The following STN1 variants were observed in gnomAD, a reference collection of about 807,000 sequenced individuals.
STN1 encodes the protein STN1 subunit of CST complex.
STN1 carries 29 observed loss-of-function variants against 45.5 expected under a neutral mutation model. The ratio of observed to expected loss-of-function variants is 0.64; its 90% confidence interval spans 0.47 to 0.87. The LOEUF (loss-of-function observed/expected upper bound fraction) is 0.87, where lower values mean the gene tolerates loss of function less well. Ranked by LOEUF, STN1 falls within the 40% of genes least tolerant of loss-of-function variation. The pLI, the probability that STN1 is intolerant of heterozygous loss-of-function variation, is 0.00. For missense variants in STN1, 376 were observed against 441.4 expected (o/e 0.85, Z 1.33); for synonymous variants, 148 against 159.0 (o/e 0.93, Z 0.52).
At chr10:103,885,678 C>T (rs763108478) in intron 9 of STN1, among the ~76,000 whole-genome samples, 13 of 152,302 alleles carry the variant, frequency 8.5e-5, no homozygotes, top group Middle Eastern at 3.4e-3. Context: ...GAGTGAGCCA[C>T]TGTGCCTGGC....
At chr10:103,911,038 C>G (rs1200867611) in intron 2 of STN1, among the ~76,000 whole-genome samples, 1 of 147,186 alleles carries the variant, frequency 6.8e-6, no homozygotes, top group East Asian at 2.0e-4. Flanking sequence ...CAAACAAGTG[C>G]TTTTCTAAGA....
chr10:103,906,718 A>C (rs181662355), intron 3 of STN1, among the ~76,000 whole-genome samples: 102 of 152,266 alleles, frequency 6.7e-4, no homozygotes, highest in African/African-American at 2.3e-3. Flanking sequence ...GATCAACATC[A>C]CAAGAGAAAA....
At chr10:103,883,942 T>C (rs1274637215) in intron 9 of STN1, among the ~76,000 whole-genome samples, 2 of 151,688 alleles carry the variant, frequency 1.3e-5, no homozygotes, top group African/African-American at 4.8e-5. Flanking sequence ...ATACAAAAAT[T>C]AGCCAGGTGT....
At chr10:103,903,351 C>T (rs907475683) in intron 4 of STN1, among the ~76,000 whole-genome samples, 1 of 152,086 alleles carries the variant, frequency 6.6e-6, no homozygotes, top group South Asian at 2.1e-4. Flanking sequence ...TGACAACAAC[C>T]AAAAATCTGC....
At chr10:103,915,103 G>T (rs1843322029) in intron 2 of STN1, among the ~76,000 whole-genome samples, 2 of 152,224 alleles carry the variant, frequency 1.3e-5, no homozygotes, top group South Asian at 2.1e-4. Context: ...CTAAGGCAGG[G>T]TCTGGGAGGG....
At chr10:103,888,937 G>A in intron 9 of STN1, 135 bp downstream of exon 9, 1 of 644,628 alleles carries the variant, frequency 1.6e-6, no homozygotes, top group East Asian at 2.7e-5. Context: ...AGGGAGGGCA[G>A]GTACTTTGAC....
intron 9 of STN1, among the ~76,000 whole-genome samples, chr10:103,884,089 C>CAAA (rs35521096): frequency 2.4e-4 from 12 of 49,796 alleles, no homozygotes; most frequent in Admixed American, 3.0e-4. Flanking sequence ...GACTCCATCT[C>CAAA]AAAAAAAAAA....
At chr10:103,914,583 G>A (rs1163876541) in intron 2 of STN1, among the ~76,000 whole-genome samples, 1 of 150,798 alleles carries the variant, frequency 6.6e-6, no homozygotes, top group Non-Finnish European at 1.5e-5. Context: ...TGAACTCTGG[G>A]CTCAAGTGAT....
At chr10:103,896,388 T>C (rs1432520138) in intron 7 of STN1, among the ~76,000 whole-genome samples, 2 of 152,072 alleles carry the variant, frequency 1.3e-5, no homozygotes, top group Non-Finnish European at 2.9e-5. Flanking sequence ...TCAGAGCAGC[T>C]AGACGGCCAG....
intron 1 of STN1, 149 bp from the exon 2 acceptor site, chr10:103,917,805 T>TG: frequency 1.9e-6 from 1 of 531,340 alleles, no homozygotes. Context: ...CCACGGGGCG[T>TG]GTTAAGAGGC....
chr10:103,914,343 T>C lies in STN1; in HGVS notation c.133+3119A>G, dbSNP rs879344762. Among the ~76,000 whole-genome samples the C allele has an allele frequency of 9.9e-3, 100 of 10,094 alleles. 2 individuals carry two copies. Among genetic ancestry groups the C allele is most frequent in the East Asian group, 0.027 (14 of 518 alleles). The allele number at this position is 10,094 out of a possible 152,430, so 6.6% of individuals were successfully genotyped here. ...AGCTATTATTAAAAATACATATATA[T>C]ATATATATATATATATATATATATA... On this transcript the variant is annotated intron_variant, in intron 2 of 9. Coordinates refer to ENST00000224950, the MANE Select transcript of STN1 (RefSeq NM_024928.5).
rs561452854 is a variant in STN1, at chr10:103,878,678, T to C, written c.*4006A>G. On this transcript the variant is annotated 3_prime_UTR_variant, in exon 10 of 10. Transcript: ENST00000224950. ...GTAAAAAGCACCTGAGATCTCACCA[T>C]GCAGAGGTAACATGTGCATCCCTTT... 1 of 152,366 alleles carries C rather than the reference T, an allele frequency of 6.6e-6. No individual in the cohort carries two copies. Among genetic ancestry groups the C allele is most frequent in the South Asian group, 2.1e-4 (1 of 4,822 alleles). 9.4% of individuals were successfully genotyped at this position (152,366 alleles called of 1,614,324 possible). A position where few individuals can be genotyped will look rare whatever the true frequency, so the allele number is the denominator to read the frequency against.
chr10:103,883,217 G>T (rs904119555), intron 9 of STN1, among the ~76,000 whole-genome samples: 2 of 152,152 alleles, frequency 1.3e-5, no homozygotes, highest in African/African-American at 4.8e-5. Flanking sequence ...TCAGGGAGGA[G>T]CCCTCTTGAA....
intron 4 of STN1, among the ~76,000 whole-genome samples, chr10:103,903,489 G>A (rs1364133406): frequency 2.0e-5 from 3 of 152,194 alleles, no homozygotes; most frequent in Non-Finnish European, 4.4e-5. Flanking sequence ...AATGGGAGGT[G>A]TTTAGGTTAT....
At chr10:103,908,375 T>A (rs2134372578) in intron 3 of STN1, among the ~76,000 whole-genome samples, 1 of 151,976 alleles carries the variant, frequency 6.6e-6, no homozygotes, top group South Asian at 2.1e-4. Context: ...CTTGCAGTGC[T>A]GCACAATGTC....
chr10:103,911,015 T>A (rs1237838363), intron 2 of STN1, among the ~76,000 whole-genome samples: 1 of 3,940 alleles, frequency 2.5e-4, no homozygotes, highest in African/African-American at 2.6e-4. Context: ...CTTCTTTGGC[T>A]TTTTTTTTTT....
In STN1 at chr10:103,889,140, G is replaced by A. The variant is rs1009255770; in HGVS notation, c.881C>T (p.Thr294Ile). The A allele has an allele frequency of 1.2e-6, 2 of 1,610,976 alleles. No individual in the cohort carries two copies. Among genetic ancestry groups the A allele is most frequent in the Non-Finnish European group, 1.7e-6 (2 of 1,177,202 alleles). The change falls in exon 9 of 10, where the codon ACC becomes ATC. Residue 294 changes from threonine to isoleucine, a missense_variant. Physicochemically the swap from Thr to Ile is moderately conservative, Grantham distance 89. Coordinates refer to ENST00000224950, the MANE Select transcript of STN1 (RefSeq NM_024928.5). The stretch of plus-strand genomic sequence containing the variant: ...TCTGTGCAGGTCTTTGTCTTCTCTG[G>A]TTACCTAAATAGGAAAAATAGTTGA... ...DDGFDNLYYVTREDKDLHRKI... is the reference protein window; with the variant it reads ...DDGFDNLYYVIREDKDLHRKI...
At position 103,887,389 on chromosome 10, in the gene STN1, T is replaced by C. The variant is rs531544154; in HGVS notation, c.949+1683A>G. On this transcript the variant is annotated intron_variant, in intron 9 of 9. Transcript: ENST00000224950. ...TAGAAAACACATATCCAACAGGATA[T>C]GCAAGTAACTAATAACAACCACTGC... Among the ~76,000 whole-genome samples, 33 of 152,314 alleles carry C rather than the reference T, an allele frequency of 2.2e-4. No individual in the cohort carries two copies. The South Asian group carries it at 2.5e-3, about 11-fold the overall frequency.
In STN1 at chr10:103,900,242, A is replaced by C; in HGVS notation, c.296-19T>G. The stretch of plus-strand genomic sequence containing the variant: ...GGAGCAGCTGTAGTTGTTTAGAGCC[A>C]GAGGGAAAGAGAAAAAGTTATAACA... On this transcript the variant is annotated intron_variant, in intron 4 of 9. Coordinates refer to ENST00000224950, the MANE Select transcript of STN1 (RefSeq NM_024928.5). The C allele has an allele frequency of 6.2e-7, 1 of 1,611,322 alleles. No individual in the cohort carries two copies. Among genetic ancestry groups the C allele is most frequent in the Non-Finnish European group, 8.5e-7 (1 of 1,178,732 alleles).
Sources: allele counts gnomAD v4.1 joint callset (sites outside exome capture counted in the v4.1 genomes callset), GRCh38; gene constraint gnomAD v4.1.1; transcripts MANE v1.5; gene names NCBI Gene and HGNC (gene_info 2026-07-23, HGNC 2026-07-21).